The following ETV1 variants were observed in gnomAD, a reference collection of about 807,000 sequenced individuals.
The protein encoded by ETV1 is ETS translocation variant 1.
In ETV1, 27 loss-of-function variants were observed where a neutral mutation model predicts 62.3. The observed-to-expected ratio is 0.43, with a 90% CI of 0.32 to 0.60. The LOEUF (loss-of-function observed/expected upper bound fraction) is 0.60, where lower values mean the gene tolerates loss of function less well. ETV1 is among the 20% of genes least tolerant of loss of function. The pLI is 0.06. For synonymous variants in ETV1, 222 were observed against 199.6 expected, an observed-to-expected ratio of 1.11 and a Z score of -0.94; for missense variants, 605 against 605.8, an observed-to-expected ratio of 1.00 and a Z score of 0.01.
chr7:13,928,506 C>A (rs1785700215), intron 9 of ETV1, among the ~76,000 whole-genome samples: 1 of 152,022 alleles, frequency 6.6e-6, no homozygotes. Context: ...CCCAGCTACT[C>A]CGGAGGCTGA....
rs1304481262 is a variant in ETV1 at position 13,891,828 on chromosome 7, A to G, written c.*4038T>C. 2 of 231,486 alleles carry G rather than the reference A, an allele frequency of 8.6e-6. No individual in the cohort carries two copies. The highest frequency in any genetic ancestry group is 4.4e-5 in the African/African-American group (2 of 45,250). The allele number at this position is 231,486 out of a possible 1,614,324, so 14.3% of individuals were successfully genotyped here. ...TAATTCTATTTCCTCTCTTCTCCAT[A>G]CCAAATCGCAAATGGAAAATAGCTT... On this transcript the variant is annotated 3_prime_UTR_variant, in exon 14 of 14. Transcript: ENST00000430479.
intron 6 of ETV1, among the ~76,000 whole-genome samples, chr7:13,941,069 G>C (rs1003381385): frequency 8.6e-5 from 13 of 151,932 alleles, no homozygotes; most frequent in Non-Finnish European, 2.9e-5. Context: ...AAAGAGAAAA[G>C]AAAAAAGAGA....
intron 6 of ETV1, among the ~76,000 whole-genome samples, chr7:13,960,300 TTCA>T (rs982266246): frequency 3.3e-5 from 5 of 152,296 alleles, no homozygotes; most frequent in African/African-American, 1.2e-4. Flanking sequence ...ATTCTGAATC[TTCA>T]TTACTGTTAC....
chr7:13,971,361 T>G (rs2128493702), intron 6 of ETV1, among the ~76,000 whole-genome samples: 1 of 152,312 alleles, frequency 6.6e-6, no homozygotes, highest in South Asian at 2.1e-4. Context: ...GTAATAATAT[T>G]AGTGGTTTTA....
At chr7:13,945,204 G>A (rs943693895) in intron 6 of ETV1, among the ~76,000 whole-genome samples, 5 of 152,104 alleles carry the variant, frequency 3.3e-5, no homozygotes, top group Admixed American at 6.5e-5. Context: ...AACTTTTTAG[G>A]TGATGCTCAT....
At chr7:13,979,083 A>T (rs1781729525) in intron 5 of ETV1, among the ~76,000 whole-genome samples, 1 of 152,198 alleles carries the variant, frequency 6.6e-6, no homozygotes, top group Non-Finnish European at 1.5e-5. Flanking sequence ...TGTGGGTAAC[A>T]ACTTCAAAGT....
Position 13,959,085 on chromosome 7 carries a change from C to T in ETV1, c.235+18342G>A, listed in dbSNP as rs1025400151. On this transcript the variant is annotated intron_variant, in intron 6 of 13. Transcript: ENST00000430479. ...TATAGAATTTAGTATCTGTAAGGAC[C>T]ACTCATTTAATTTGTAGTCAGGTAG... 17 of 150,932 alleles carry T rather than the reference C, an allele frequency of 1.1e-4. 1 individual carries two copies. Among genetic ancestry groups the T allele is most frequent in the Non-Finnish European group, 2.5e-4 (17 of 67,804 alleles). 9.3% of individuals were successfully genotyped at this position (150,932 alleles called of 1,614,324 possible). A position where few individuals can be genotyped will look rare whatever the true frequency, so the allele number is the denominator to read the frequency against.
chr7:13,934,592 A>G lies in ETV1; in HGVS notation c.554+1116T>C, dbSNP rs1024612999. 3.9e-5 allele frequency among the ~76,000 whole-genome samples: 6 copies of G among 152,350 alleles called. 1 individual carries two copies. The South Asian group carries it at 1.0e-3, about 26-fold the overall frequency. On this transcript the variant is annotated intron_variant, in intron 8 of 13. Coordinates refer to ENST00000430479, the MANE Select transcript of ETV1 (RefSeq NM_004956.5). ...CCAGTTCTTAAACACAGCCACTATT[A>G]ACAGTTAAATTATATAACTTCACAA... is the stretch of plus-strand genomic sequence containing the variant.
chr7:13,946,415 C>A (rs190190829), intron 6 of ETV1, among the ~76,000 whole-genome samples: 1 of 152,102 alleles, frequency 6.6e-6, no homozygotes, highest in African/African-American at 2.4e-5. Flanking sequence ...TTTAAGAGCT[C>A]CAAAATACCA....
intron 8 of ETV1, among the ~76,000 whole-genome samples, chr7:13,933,363 G>A (rs1334307218): frequency 2.0e-5 from 3 of 152,204 alleles, no homozygotes; most frequent in Non-Finnish European, 4.4e-5. Context: ...TAAAGAGAAA[G>A]TGATTCAAGA....
Position 13,894,431 on chromosome 7 carries a change from C to T in ETV1, c.*1435G>A, listed in dbSNP as rs1781600050. 1 of 231,848 alleles carries T rather than the reference C, an allele frequency of 4.3e-6. No homozygotes were observed. Among genetic ancestry groups the T allele is most frequent in the Admixed American group, 5.6e-5 (1 of 17,714 alleles). 14.4% of individuals were successfully genotyped at this position (231,848 alleles called of 1,614,324 possible). A position where few individuals can be genotyped will look rare whatever the true frequency, so the allele number is the denominator to read the frequency against. On this transcript the variant is annotated 3_prime_UTR_variant, in exon 14 of 14. Transcript: ENST00000430479. ...ATCCAATCACATTTACAGAAGTGTC[C>T]AAAAAGAGATGATGGATAATATCAG...
chr7:13,976,414 G>C (rs568813616), intron 6 of ETV1, among the ~76,000 whole-genome samples: 5 of 152,152 alleles, frequency 3.3e-5, no homozygotes, highest in Admixed American at 3.3e-4. Flanking sequence ...ACCAAGCTGA[G>C]TTGAAACATG....
At chr7:13,988,506 A>G (rs1782752426) in intron 3 of ETV1, 2 of 743,214 alleles carry the variant, frequency 2.7e-6, no homozygotes, top group African/African-American at 1.8e-5. Context: ...TCAATGCTAG[A>G]TTAAAACAGT....
Position 13,921,601 on chromosome 7 carries a change from G to A in ETV1, c.802+9901C>T, listed in dbSNP as rs139918748. ...TGCCATGCCTACAGAAAAGGAAGAG[G>A]ATAAACAGAAAAACTGCCCAGTCTT... On this transcript the variant is annotated intron_variant, in intron 9 of 13. Coordinates refer to ENST00000430479, the MANE Select transcript of ETV1 (RefSeq NM_004956.5). 5.2e-3 allele frequency among the ~76,000 whole-genome samples: 796 copies of A among 152,212 alleles called. 10 individuals carry two copies. The highest frequency in any genetic ancestry group is 0.018 in the African/African-American group (740 of 41,542).
intron 9 of ETV1, among the ~76,000 whole-genome samples, chr7:13,929,305 A>T (rs1278232952): frequency 6.6e-6 from 1 of 152,172 alleles, no homozygotes; most frequent in Non-Finnish European, 1.5e-5. Context: ...CTGGGGCAAA[A>T]ATTCAAATAA....
rs1249584529 is a variant in ETV1 at position 13,916,297 on chromosome 7, G to A, written c.803-4990C>T. Reference sequence around the variant, plus strand: ...GGGAGAAATATGTTAATTTTTAGATGGTTTTAATATGCTTGTAATAGCATT... The same window carrying A: ...GGGAGAAATATGTTAATTTTTAGATAGTTTTAATATGCTTGTAATAGCATT... On this transcript the variant is annotated intron_variant, in intron 9 of 13. Transcript: ENST00000430479. Among the ~76,000 whole-genome samples the A allele has an allele frequency of 2.0e-5, 3 of 152,034 alleles. No homozygotes were observed. The East Asian group carries it at 5.8e-4, about 29-fold the overall frequency.
chr7:13,983,222 G>A (rs925254339), intron 5 of ETV1, among the ~76,000 whole-genome samples: 1 of 151,868 alleles, frequency 6.6e-6, no homozygotes, highest in Non-Finnish European at 1.5e-5. Context: ...CATCTAGACC[G>A]GAAACAAAAT....
chr7:13,931,174 A>G lies in ETV1; in HGVS notation c.802+328T>C, dbSNP rs16878024. Among the ~76,000 whole-genome samples, 461 of 152,310 alleles carry G rather than the reference A, an allele frequency of 3.0e-3. 10 individuals are homozygous for G. In the East Asian group the frequency reaches 0.06, roughly 20 times the overall value. On this transcript the variant is annotated intron_variant, in intron 9 of 13. Transcript: ENST00000430479. ...AAACATTTTTATTAAGTAGCACTGT[A>G]GTAGCAAAATAAGAAGAAAAAAAAG...
intron 9 of ETV1, 107 bp from the exon 10 acceptor site, chr7:13,911,414 A>C: frequency 1.4e-6 from 1 of 712,098 alleles, no homozygotes; most frequent in Non-Finnish European, 2.5e-6. Context: ...CACAGGTTCC[A>C]ATGTGGGGAA....
Sources: gnomAD v4.1 joint callset for allele counts (sites outside exome capture counted in the v4.1 genomes callset) on GRCh38, gnomAD v4.1.1 for gene constraint, MANE v1.5 for transcripts, NCBI Gene and HGNC (gene_info 2026-07-23, HGNC 2026-07-21) for gene names.